The following CACNG3 variants were observed in gnomAD, a reference collection of about 807,000 sequenced individuals.
CACNG3 encodes the protein calcium voltage-gated channel auxiliary subunit gamma 3.
In CACNG3, 3 loss-of-function variants were observed where a neutral mutation model predicts 28.5. The ratio of observed to expected loss-of-function variants is 0.11; its 90% CI spans 0.05 to 0.27. CACNG3 has a LOEUF of 0.27. Ranked by LOEUF, CACNG3 falls within the 10% of genes least tolerant of loss-of-function variation. The pLI is 1.00. For missense variants in CACNG3, 236 were observed against 414.4 expected, an observed-to-expected ratio of 0.57 and a Z score of 3.74; for synonymous variants, 174 against 162.2, an observed-to-expected ratio of 1.07 and a Z score of -0.55.
intron 1 of CACNG3, among the ~76,000 whole-genome samples, chr16:24,277,814 A>G (rs925107829): frequency 1.3e-5 from 2 of 151,850 alleles, no homozygotes; most frequent in Admixed American, 6.6e-5. Context: ...GGAAGCCATG[A>G]AAGAGTTTTA....
At chr16:24,341,284 T>G (rs1178986612) in intron 1 of CACNG3, among the ~76,000 whole-genome samples, 1 of 152,264 alleles carries the variant, frequency 6.6e-6, no homozygotes, top group Non-Finnish European at 1.5e-5. Context: ...GTGATGCATG[T>G]ATGACATGGG....
chr16:24,290,241 T>C (rs572518627), intron 1 of CACNG3, among the ~76,000 whole-genome samples: 7 of 152,340 alleles, frequency 4.6e-5, no homozygotes, highest in African/African-American at 1.7e-4. Flanking sequence ...TGTCTAGTTA[T>C]ACAAAATAAG....
In CACNG3 at chr16:24,346,737, C is replaced by A; in HGVS notation, c.215C>A (p.Ala72Asp). The part of the protein sequence containing the change: ...GLWRTCCLEG[A>D]FRGVCKKIDH... ...GAACCCTTATCTGTTTCCACAGGGG[C>A]TTTCCGAGGCGTGTGCAAGAAAATC... The change falls in exon 2 of 4, where the codon GCT (alanine) becomes GAT (aspartate). Residue 72 changes from alanine (A) to aspartate (D), a missense_variant. Coordinates refer to ENST00000005284, the MANE Select transcript of CACNG3 (RefSeq NM_006539.4). 2 of 1,613,498 alleles carry A rather than the reference C, an allele frequency of 1.2e-6. No homozygotes were observed. Among genetic ancestry groups the A allele is most frequent in the Non-Finnish European group, 1.7e-6 (2 of 1,179,432 alleles).
At chr16:24,343,582 G>T (rs1899818687) in intron 1 of CACNG3, among the ~76,000 whole-genome samples, 1 of 152,168 alleles carries the variant, frequency 6.6e-6, no homozygotes, top group Non-Finnish European at 1.5e-5. Flanking sequence ...AACATCAATA[G>T]TAGGGGGTAG....
Position 24,295,848 on chromosome 16 carries a change from AAAAC to A in CACNG3, c.211+38903_211+38906del, listed in dbSNP as rs529144745. 2.8e-4 allele frequency among the ~76,000 whole-genome samples: 42 copies of A among 152,244 alleles called. 1 individual carries two copies. In the South Asian group the frequency reaches 7.0e-3, roughly 26 times the overall value. ...GGGCTACAGAGTAAGACGCTGTCTC[AAAAC>A]AAACAAACAAACAAACAAAAAAACC... is the stretch of plus-strand genomic sequence containing the variant. On this transcript the variant is annotated intron_variant, in intron 1 of 3. Transcript: ENST00000005284.
intron 1 of CACNG3, among the ~76,000 whole-genome samples, chr16:24,333,000 T>C (rs779538943): frequency 7.9e-5 from 12 of 152,192 alleles, no homozygotes; most frequent in Non-Finnish European, 1.5e-4. Context: ...AGAATGATGA[T>C]GTGATAGACA....
intron 1 of CACNG3, among the ~76,000 whole-genome samples, chr16:24,291,326 C>T (rs1390471902): frequency 6.6e-6 from 1 of 152,160 alleles, no homozygotes; most frequent in South Asian, 2.1e-4. Flanking sequence ...ATCCCACAAC[C>T]CTTGCTGGAT....
intron 1 of CACNG3, among the ~76,000 whole-genome samples, chr16:24,272,046 T>C (rs1227361588): frequency 6.6e-6 from 1 of 151,910 alleles, no homozygotes; most frequent in African/African-American, 2.4e-5. Context: ...GGAAATAGCC[T>C]ACCCCTAGAA....
At chr16:24,339,050 A>G (rs1899747123) in intron 1 of CACNG3, among the ~76,000 whole-genome samples, 1 of 152,210 alleles carries the variant, frequency 6.6e-6, no homozygotes, top group Non-Finnish European at 1.5e-5. Flanking sequence ...GTTAACAAAA[A>G]TTATTCTGCT....
intron 1 of CACNG3, among the ~76,000 whole-genome samples, chr16:24,317,662 A>C (rs550724566): frequency 2.2e-5 from 2 of 92,204 alleles, no homozygotes; most frequent in Non-Finnish European, 2.1e-5. Flanking sequence ...GAAAGAAAGA[A>C]AGAAAGAAAG....
At chr16:24,288,285 C>T (rs183223350) in intron 1 of CACNG3, among the ~76,000 whole-genome samples, 109 of 152,294 alleles carry the variant, frequency 7.2e-4, no homozygotes, top group African/African-American at 2.6e-3. Context: ...ACTATGCTAA[C>T]AGCTTCACAT....
chr16:24,313,001 AAG>A (rs774457239), intron 1 of CACNG3, among the ~76,000 whole-genome samples: 4 of 151,064 alleles, frequency 2.6e-5, no homozygotes, highest in Non-Finnish European at 4.4e-5. Context: ...GAAAGAAAGA[AAG>A]AAAAAGAGAG....
chr16:24,323,267 GCCTTC>G (rs761748284), intron 1 of CACNG3, among the ~76,000 whole-genome samples: 56 of 149,472 alleles, frequency 3.7e-4, no homozygotes, highest in Admixed American at 2.2e-3. Flanking sequence ...GAGAGATGAG[GCCTTC>G]CATATGGACA....
intron 1 of CACNG3, among the ~76,000 whole-genome samples, chr16:24,304,581 T>G (rs891127103): frequency 2.0e-5 from 3 of 152,140 alleles, no homozygotes; most frequent in African/African-American, 7.2e-5. Context: ...TATTTGGTTT[T>G]GTTTTGTTTT....
chr16:24,294,681 A>G (rs1265067402), intron 1 of CACNG3, among the ~76,000 whole-genome samples: 1 of 152,184 alleles, frequency 6.6e-6, no homozygotes, highest in Non-Finnish European at 1.5e-5. Context: ...GATTACAGGC[A>G]TGAGCCACTG....
chr16:24,284,332 G>A (rs1259682440), intron 1 of CACNG3, among the ~76,000 whole-genome samples: 1 of 152,112 alleles, frequency 6.6e-6, no homozygotes, highest in Non-Finnish European at 1.5e-5. Context: ...AACCCTCTGG[G>A]CCTGGGGCCT....
At chr16:24,360,848 C>A (rs1361012280) in intron 3 of CACNG3, among the ~76,000 whole-genome samples, 2 of 152,160 alleles carry the variant, frequency 1.3e-5, no homozygotes, top group Non-Finnish European at 2.9e-5. Context: ...TCAAATGTCA[C>A]CTCATCTTCA....
At chr16:24,316,678 C>G (rs1467979625) in intron 1 of CACNG3, among the ~76,000 whole-genome samples, 1 of 152,214 alleles carries the variant, frequency 6.6e-6, no homozygotes, top group Admixed American at 6.5e-5. Context: ...CCAAAGACCT[C>G]AGGGCCTCTG....
chr16:24,262,369 C>G (rs1229556424), intron 1 of CACNG3, among the ~76,000 whole-genome samples: 1 of 152,184 alleles, frequency 6.6e-6, no homozygotes, highest in African/African-American at 2.4e-5. Context: ...AGGGTTGAGT[C>G]AGGATTGGGC....
Sources: gnomAD v4.1 joint callset for allele counts (sites outside exome capture counted in the v4.1 genomes callset) on GRCh38, gnomAD v4.1.1 for gene constraint, MANE v1.5 for transcripts, NCBI Gene and HGNC (gene_info 2026-07-23, HGNC 2026-07-21) for gene names.